Variants in DLG2 observed in about 807,000 individuals in gnomAD.
The protein encoded by DLG2 is disks large homolog 2.
DLG2 carries 45 observed loss-of-function variants against 132.5 expected under a neutral mutation model. The observed-to-expected ratio is 0.34, with a 90% CI of 0.27 to 0.44. The LOEUF (loss-of-function observed/expected upper bound fraction) is 0.44, where lower values mean the gene tolerates loss of function less well. Ranked by LOEUF, DLG2 falls within the 20% of genes least tolerant of loss-of-function variation. DLG2 has a pLI of 1.00. For missense variants in DLG2, 1,045 were observed against 1,196.9 expected (o/e 0.87, Z 1.87); for synonymous variants, 424 against 419.6 (o/e 1.01, Z -0.13).
chr11:85,233,312 C>A (rs1239418287), intron 4 of DLG2, among the ~76,000 whole-genome samples: 1 of 151,906 alleles, frequency 6.6e-6, no homozygotes, highest in Non-Finnish European at 1.5e-5. Context: ...AAATTGATCA[C>A]TCTCTCTTCA....
intron 6 of DLG2, among the ~76,000 whole-genome samples, chr11:84,998,696 T>A (rs2057918379): frequency 6.6e-6 from 1 of 152,078 alleles, no homozygotes; most frequent in South Asian, 2.1e-4. Context: ...CTGGAATTAT[T>A]AGCCTGAAAT....
chr11:83,715,144 C>T (rs1215365349), intron 18 of DLG2, among the ~76,000 whole-genome samples: 1 of 152,092 alleles, frequency 6.6e-6, no homozygotes, highest in Admixed American at 6.5e-5. Context: ...ACAATTTTAA[C>T]TCCTTCCCTC....
chr11:85,435,966 A>G (rs2091457515), intron 3 of DLG2, among the ~76,000 whole-genome samples: 1 of 152,208 alleles, frequency 6.6e-6, no homozygotes, highest in African/African-American at 2.4e-5. Context: ...AAACAGACAC[A>G]TAGACCAATG....
At chr11:84,753,965 A>G (rs764408816) in intron 6 of DLG2, among the ~76,000 whole-genome samples, 1 of 152,202 alleles carries the variant, frequency 6.6e-6, no homozygotes, top group Non-Finnish European at 1.5e-5. Context: ...GAACCGACCA[A>G]TGCGTTTTGC....
intron 7 of DLG2, among the ~76,000 whole-genome samples, chr11:84,489,515 G>A (rs1294306972): frequency 6.6e-6 from 1 of 152,088 alleles, no homozygotes; most frequent in East Asian, 1.9e-4. Context: ...CAAAGTAAAG[G>A]TTATACCCTT....
chr11:83,877,285 C>T (rs1386088890), intron 15 of DLG2, among the ~76,000 whole-genome samples: 2 of 151,826 alleles, frequency 1.3e-5, no homozygotes, highest in Non-Finnish European at 1.5e-5. Flanking sequence ...CATTTTTTTC[C>T]GTATACTTAT....
chr11:84,610,387 C>T (rs774375396), intron 6 of DLG2, among the ~76,000 whole-genome samples: 2 of 151,790 alleles, frequency 1.3e-5, no homozygotes, highest in Non-Finnish European at 2.9e-5. Flanking sequence ...CCTATGAGTT[C>T]CTTAAATAAA....
chr11:85,483,511 T>A (rs2093347934), intron 3 of DLG2, among the ~76,000 whole-genome samples: 1 of 152,038 alleles, frequency 6.6e-6, no homozygotes, highest in South Asian at 2.1e-4. Context: ...GGATGCTAAT[T>A]AATAAGTAAC....
intron 10 of DLG2, among the ~76,000 whole-genome samples, chr11:84,067,926 C>T (rs1594561320): frequency 6.6e-6 from 1 of 151,852 alleles, no homozygotes; most frequent in Non-Finnish European, 1.5e-5. Flanking sequence ...GCTTTTTTTT[C>T]CAGCAAACAT....
intron 6 of DLG2, among the ~76,000 whole-genome samples, chr11:84,981,754 C>T (rs190155652): frequency 6.6e-6 from 1 of 152,208 alleles, no homozygotes; most frequent in Admixed American, 6.5e-5. Context: ...TGCCCTGCCT[C>T]TCTCCTCCCT....
intron 18 of DLG2, among the ~76,000 whole-genome samples, chr11:83,703,404 C>G (rs137910158): frequency 6.6e-6 from 1 of 152,292 alleles, no homozygotes; most frequent in Admixed American, 6.5e-5. Flanking sequence ...AATCCCAGCA[C>G]TTTGGGAGGT....
At chr11:83,654,555 T>G (rs1302411803) in intron 18 of DLG2, among the ~76,000 whole-genome samples, 3 of 152,224 alleles carry the variant, frequency 2.0e-5, no homozygotes, top group Non-Finnish European at 4.4e-5. Context: ...CTTCATTTTT[T>G]GTATACTTAC....
At chr11:83,888,639 C>A (rs1049236667) in intron 15 of DLG2, among the ~76,000 whole-genome samples, 24 of 152,122 alleles carry the variant, frequency 1.6e-4, no homozygotes, top group African/African-American at 5.8e-4. Context: ...CCCTCATCAC[C>A]AAGTCAATCC....
At chr11:85,042,101 G>A (rs959517096) in intron 6 of DLG2, among the ~76,000 whole-genome samples, 1 of 151,724 alleles carries the variant, frequency 6.6e-6, no homozygotes, top group Non-Finnish European at 1.5e-5. Flanking sequence ...AAATAAGTTG[G>A]GTTAAAAAAG....
intron 6 of DLG2, among the ~76,000 whole-genome samples, chr11:84,573,598 T>C (rs541609788): frequency 2.6e-5 from 4 of 152,306 alleles, no homozygotes; most frequent in South Asian, 4.1e-4. Flanking sequence ...ACATTTATGA[T>C]AGTCTTTCTC....
intron 8 of DLG2, among the ~76,000 whole-genome samples, chr11:84,197,036 CAAAAAAA>C (rs60877284): frequency 1.1e-5 from 1 of 87,936 alleles, no homozygotes. Flanking sequence ...GACTCTTTCT[CAAAAAAA>C]AAAAAAAAAA....
intron 18 of DLG2, chr11:83,721,134 T>C (rs1250479774): frequency 6.6e-6 from 1 of 152,150 alleles, no homozygotes; most frequent in Non-Finnish European, 1.5e-5. Context: ...GGACATCTTA[T>C]ACAGGTGAGA....
chr11:84,670,864 A>C (rs939827718), intron 6 of DLG2, among the ~76,000 whole-genome samples: 4 of 152,112 alleles, frequency 2.6e-5, no homozygotes, highest in Admixed American at 6.6e-5. Flanking sequence ...TTATCTTAAA[A>C]ATTCCTATGA....
intron 15 of DLG2, among the ~76,000 whole-genome samples, chr11:83,900,927 C>T (rs2073227890): frequency 6.6e-6 from 1 of 152,110 alleles, no homozygotes; most frequent in African/African-American, 2.4e-5. Flanking sequence ...GAGGCTGTAC[C>T]CTGCAAAGCT....
Sources: allele counts gnomAD v4.1 joint callset (sites outside exome capture counted in the v4.1 genomes callset), GRCh38; gene constraint gnomAD v4.1.1; transcripts MANE v1.5; gene names NCBI Gene and HGNC (gene_info 2026-07-23, HGNC 2026-07-21).